Variants in CCDC171 observed in about 807,000 individuals in gnomAD.
The protein encoded by CCDC171 is coiled-coil domain containing 171, also known as coiled-coil domain-containing protein 171.
In CCDC171, 177 loss-of-function variants were observed where a neutral mutation model predicts 168.2. That is an observed-to-expected ratio of 1.05 (90% CI 0.93 to 1.19). The LOEUF (loss-of-function observed/expected upper bound fraction) is 1.19, where lower values mean the gene tolerates loss of function less well. Ranked by LOEUF, CCDC171 falls within the 50% of genes most tolerant of loss-of-function variation. The pLI is 0.00. For missense variants in CCDC171, 1,991 were observed against 1,539.0 expected, an observed-to-expected ratio of 1.29 and a Z score of -4.91; for synonymous variants, 687 against 540.8, an observed-to-expected ratio of 1.27 and a Z score of -3.75.
At chr9:16,073,902 T>G in the CCDC171 span, among the ~76,000 whole-genome samples, 1 of 152,200 alleles carries the variant, frequency 6.6e-6, no homozygotes, top group East Asian at 1.9e-4. Context: ...AAGAGGGCTT[T>G]CAAAATTTCA....
chr9:15,799,135 C>CATATATATATATGTAT (rs2058695707), intron 21 of CCDC171, among the ~76,000 whole-genome samples: 2 of 109,028 alleles, frequency 1.8e-5, no homozygotes, highest in African/African-American at 6.9e-5. Context: ...TCATCATTGC[C>CATATATATATATGTAT]ATATATATAT....
At chr9:15,912,741 G>A (rs949575920) in intron 24 of CCDC171, among the ~76,000 whole-genome samples, 1 of 152,138 alleles carries the variant, frequency 6.6e-6, no homozygotes. Flanking sequence ...AGTGTTTTTA[G>A]CATGAAAGGG....
chr9:15,734,598 A>G (rs984034276), intron 16 of CCDC171, among the ~76,000 whole-genome samples: 1 of 152,178 alleles, frequency 6.6e-6, no homozygotes, highest in Admixed American at 6.5e-5. Flanking sequence ...TTATTTATGT[A>G]CATATTTGCT....
intron 21 of CCDC171, among the ~76,000 whole-genome samples, chr9:15,808,400 A>G (rs1169695424): frequency 6.6e-6 from 1 of 152,214 alleles, no homozygotes; most frequent in East Asian, 1.9e-4. Flanking sequence ...TGTTAGATAT[A>G]TTAGACAAGA....
the CCDC171 span, among the ~76,000 whole-genome samples, chr9:16,083,745 C>T: frequency 2.6e-4 from 40 of 152,248 alleles, no homozygotes; most frequent in African/African-American, 9.4e-4. Flanking sequence ...GGTGTTAGCT[C>T]CCCTAATGGA....
chr9:15,877,328 C>T (rs1442480528), intron 24 of CCDC171, among the ~76,000 whole-genome samples: 2 of 151,970 alleles, frequency 1.3e-5, no homozygotes, highest in African/African-American at 2.4e-5. Context: ...TTATTGCAGC[C>T]GTTATAAGGC....
chr9:15,759,087 T>C (rs1407306810), intron 18 of CCDC171, among the ~76,000 whole-genome samples: 2 of 152,192 alleles, frequency 1.3e-5, no homozygotes, highest in African/African-American at 4.8e-5. Flanking sequence ...GAATATGTTC[T>C]TCCAATGTAT....
At chr9:15,770,186 A>G (rs1156609398) in intron 18 of CCDC171, among the ~76,000 whole-genome samples, 1 of 152,188 alleles carries the variant, frequency 6.6e-6, no homozygotes, top group Non-Finnish European at 1.5e-5. Flanking sequence ...TAAATATATT[A>G]AAAAACTTGA....
chr9:15,733,789 G>A (rs142850323), intron 16 of CCDC171, among the ~76,000 whole-genome samples: 1 of 151,668 alleles, frequency 6.6e-6, no homozygotes. Flanking sequence ...TTCTCTTTTT[G>A]AGACACTTTC....
At chr9:15,758,340 T>G (rs2056252299) in intron 18 of CCDC171, among the ~76,000 whole-genome samples, 1 of 152,180 alleles carries the variant, frequency 6.6e-6, no homozygotes, top group Admixed American at 6.5e-5. Flanking sequence ...CCCTGCTGGA[T>G]TTTGGACTTG....
chr9:15,664,578 A>ACACACACACACACACACACT (rs1205254303), intron 8 of CCDC171, among the ~76,000 whole-genome samples: 1 of 151,688 alleles, frequency 6.6e-6, no homozygotes, highest in Non-Finnish European at 1.5e-5. Flanking sequence ...ACACACACAC[A>ACACACACACACACACACACT]CACACACACA....
chr9:16,006,346 A>T (rs1326072240), intron 3 of CCDC171, among the ~76,000 whole-genome samples: 1 of 152,160 alleles, frequency 6.6e-6, no homozygotes, highest in Non-Finnish European at 1.5e-5. Flanking sequence ...CCTGATAATT[A>T]ATGATGTTGA....
At position 15,779,050 on chromosome 9, in the gene CCDC171, G is replaced by A. The variant is rs746823627; in HGVS notation, c.2981G>A (p.Arg994His). 3.6e-5 allele frequency: 58 copies of A among 1,605,412 alleles called. No individual in the cohort carries two copies. Among genetic ancestry groups the A allele is most frequent in the Non-Finnish European group, 4.3e-5 (51 of 1,176,270 alleles). The change falls in exon 20 of 26, where the codon CGC (arginine) becomes CAC (histidine). Residue 994 changes from arginine to histidine, a missense_variant. By Grantham distance (29) the Arg-to-His change is conservative. Coordinates refer to ENST00000380701, the MANE Select transcript of CCDC171 (RefSeq NM_173550.4). The part of the protein sequence containing the change: ...HAAEVERRSL[R>H]LEVTEFKRSV... The stretch of plus-strand genomic sequence containing the variant: ...GCAGAAGTGGAGCGCCGCTCACTAC[G>A]CTTAGAGGTCACAGAATTCAAACGA...
intron 24 of CCDC171, among the ~76,000 whole-genome samples, chr9:15,894,653 T>C (rs570008741): frequency 6.6e-6 from 1 of 152,184 alleles, no homozygotes; most frequent in South Asian, 2.1e-4. Context: ...TTGAACACAG[T>C]GCACATAGGC....
At chr9:15,822,084 AG>A (rs1440256667) in intron 21 of CCDC171, among the ~76,000 whole-genome samples, 1 of 152,246 alleles carries the variant, frequency 6.6e-6, no homozygotes, top group East Asian at 1.9e-4. Flanking sequence ...AAATGTGGAA[AG>A]GATTCCCTAT....
intron 21 of CCDC171, among the ~76,000 whole-genome samples, chr9:15,833,403 ATG>A: frequency 6.6e-6 from 1 of 152,166 alleles, no homozygotes; most frequent in South Asian, 2.1e-4. Context: ...GTTCAAATAT[ATG>A]TAAACTATTT....
chr9:15,709,085 G>A (rs572755692), intron 11 of CCDC171, among the ~76,000 whole-genome samples: 94 of 152,150 alleles, frequency 6.2e-4, no homozygotes, highest in African/African-American at 2.2e-3. Context: ...GATTCACCAT[G>A]GAAATTGGAA....
chr9:15,731,379 AG>A (rs1172410745), intron 16 of CCDC171, among the ~76,000 whole-genome samples: 5 of 152,104 alleles, frequency 3.3e-5, no homozygotes, highest in Non-Finnish European at 7.4e-5. Context: ...TACGCCTCAT[AG>A]GCAACCATTG....
chr9:16,097,785 C>T, the CCDC171 span, among the ~76,000 whole-genome samples: 3 of 152,296 alleles, frequency 2.0e-5, no homozygotes, highest in East Asian at 1.9e-4. Context: ...TCTCTCAGAA[C>T]GAATCTGATC....
Sources: gnomAD v4.1 joint callset for allele counts (sites outside exome capture counted in the v4.1 genomes callset) on GRCh38, gnomAD v4.1.1 for gene constraint, MANE v1.5 for transcripts, NCBI Gene and HGNC (gene_info 2026-07-23, HGNC 2026-07-21) for gene names.